Variants in USP25 observed in about 807,000 individuals in gnomAD.
USP25 encodes the protein ubiquitin specific peptidase 25, also known as ubiquitin carboxyl-terminal hydrolase 25.
USP25 carries 85 observed loss-of-function variants against 158.5 expected under a neutral mutation model. The observed-to-expected ratio is 0.54, with a 90% CI of 0.45 to 0.64. The LOEUF (loss-of-function observed/expected upper bound fraction) is 0.64. Ranked by LOEUF, USP25 falls within the 30% of genes least tolerant of loss-of-function variation. The pLI is 0.00. For synonymous variants in USP25, 464 were observed against 460.4 expected (o/e 1.01, Z -0.10); for missense variants, 1,242 against 1,327.3 (o/e 0.94, Z 1.00).
At chr21:15,848,722 G>A (rs538440481) in intron 19 of USP25, among the ~76,000 whole-genome samples, 1 of 152,158 alleles carries the variant, frequency 6.6e-6, no homozygotes, top group South Asian at 2.1e-4. Flanking sequence ...ACATATCACT[G>A]TACCAGTGTA....
intron 1 of USP25, among the ~76,000 whole-genome samples, chr21:15,749,512 T>G (rs575969571): frequency 6.6e-6 from 1 of 152,332 alleles, no homozygotes; most frequent in East Asian, 1.9e-4. Flanking sequence ...AATTCTAGTT[T>G]TAGGTTTTCA....
intron 7 of USP25, 88 bp downstream of exon 7, chr21:15,805,346 T>A (rs1208216803): frequency 8.0e-7 from 1 of 1,246,866 alleles, no homozygotes; most frequent in East Asian, 2.8e-5. Flanking sequence ...TGAGACTATT[T>A]GAGATGCATG....
chr21:15,866,845 A>C (rs537723218), intron 22 of USP25, among the ~76,000 whole-genome samples: 2 of 152,178 alleles, frequency 1.3e-5, no homozygotes, highest in South Asian at 4.1e-4. Context: ...GGCATAGAGC[A>C]GTGAAGTAAC....
chr21:15,845,599 AT>A (rs1054243059), intron 18 of USP25, among the ~76,000 whole-genome samples: 28 of 152,054 alleles, frequency 1.8e-4, no homozygotes, highest in Non-Finnish European at 3.1e-4. Context: ...CCTAAGTGCA[AT>A]TTTTTTCCCC....
chr21:15,836,131 A>C (rs2038052790), intron 17 of USP25, among the ~76,000 whole-genome samples: 1 of 152,182 alleles, frequency 6.6e-6, no homozygotes, highest in African/African-American at 2.4e-5. Context: ...ATTACCAGTG[A>C]CTAGTGGAAA....
intron 1 of USP25, among the ~76,000 whole-genome samples, chr21:15,742,947 G>A (rs765162507): frequency 1.3e-5 from 2 of 152,208 alleles, no homozygotes; most frequent in Non-Finnish European, 2.9e-5. Flanking sequence ...TTCAGATGAG[G>A]GGAACGTGGT....
chr21:15,812,407 G>A (rs1041289569), intron 9 of USP25, among the ~76,000 whole-genome samples: 6 of 152,020 alleles, frequency 3.9e-5, no homozygotes, highest in African/African-American at 1.2e-4. Flanking sequence ...CCAGCACTTC[G>A]GGAGCCCGAG....
intron 20 of USP25, among the ~76,000 whole-genome samples, chr21:15,860,949 T>C (rs2039396506): frequency 7.0e-6 from 1 of 143,362 alleles, no homozygotes; most frequent in African/African-American, 2.7e-5. Context: ...ATATTTGGTA[T>C]CTTCATATAT....
intron 10 of USP25, among the ~76,000 whole-genome samples, chr21:15,820,407 A>G (rs1418992609): frequency 1.3e-5 from 2 of 151,938 alleles, no homozygotes; most frequent in Non-Finnish European, 2.9e-5. Flanking sequence ...TATACTCTGA[A>G]TGCCCCTATG....
chr21:15,868,584 C>G (rs980753516), intron 22 of USP25, among the ~76,000 whole-genome samples: 8 of 152,230 alleles, frequency 5.3e-5, no homozygotes, highest in Non-Finnish European at 5.9e-5. Flanking sequence ...GCATATTCCT[C>G]CTATCTTTGT....
chr21:15,828,691 G>A (rs2037648452), intron 14 of USP25, among the ~76,000 whole-genome samples: 1 of 152,222 alleles, frequency 6.6e-6, no homozygotes, highest in Non-Finnish European at 1.5e-5. Flanking sequence ...AGGCTGGAGT[G>A]CAGTGGCATG....
chr21:15,799,244 C>A (rs922349959), intron 5 of USP25, among the ~76,000 whole-genome samples: 1 of 151,256 alleles, frequency 6.6e-6, no homozygotes, highest in Non-Finnish European at 1.5e-5. Flanking sequence ...ATTATCACTG[C>A]ATCTTGAAGT....
chr21:15,776,330 T>C (rs907778150), intron 3 of USP25, among the ~76,000 whole-genome samples: 1 of 152,112 alleles, frequency 6.6e-6, no homozygotes, highest in Non-Finnish European at 1.5e-5. Context: ...TTATACTCTC[T>C]AAAGACATTA....
intron 5 of USP25, among the ~76,000 whole-genome samples, chr21:15,794,025 T>TA (rs1457260056): frequency 6.6e-6 from 1 of 151,634 alleles, no homozygotes; most frequent in Admixed American, 6.6e-5. Flanking sequence ...AGTTGGAACT[T>TA]ACTCAAATTG....
At chr21:15,789,525 G>A (rs2123598590) in intron 4 of USP25, among the ~76,000 whole-genome samples, 1 of 152,086 alleles carries the variant, frequency 6.6e-6, no homozygotes, top group South Asian at 2.1e-4. Flanking sequence ...TCAGGATTAC[G>A]TCTGGTTCTT....
chr21:15,839,251 A>C (rs1348145016), intron 17 of USP25, among the ~76,000 whole-genome samples: 1 of 152,148 alleles, frequency 6.6e-6, no homozygotes, highest in East Asian at 1.9e-4. Flanking sequence ...AGGTATATAC[A>C]CAGGGAAAAC....
chr21:15,783,793 TAAAAAAA>T (rs34055394), intron 4 of USP25, among the ~76,000 whole-genome samples: 1 of 122,208 alleles, frequency 8.2e-6, no homozygotes, highest in African/African-American at 2.9e-5. Flanking sequence ...CCGTCTGTAC[TAAAAAAA>T]AAAAAAAAAA....
chr21:15,863,693 C>T (rs2039529055), intron 20 of USP25, among the ~76,000 whole-genome samples: 2 of 152,060 alleles, frequency 1.3e-5, no homozygotes, highest in South Asian at 2.1e-4. Flanking sequence ...CATATTTTAC[C>T]GCTTTCATGT....
At chr21:15,774,572 A>G (rs2034533541) in intron 3 of USP25, among the ~76,000 whole-genome samples, 1 of 152,192 alleles carries the variant, frequency 6.6e-6, no homozygotes, top group South Asian at 2.1e-4. Context: ...CTTTTAAATA[A>G]AAATTGCATT....
Sources: allele counts gnomAD v4.1 joint callset (sites outside exome capture counted in the v4.1 genomes callset), GRCh38; gene constraint gnomAD v4.1.1; transcripts MANE v1.5; gene names NCBI Gene and HGNC (gene_info 2026-07-23, HGNC 2026-07-21).